DOCK4: variants seen among roughly 807,000 people sequenced by gnomAD.
The protein encoded by DOCK4 is dedicator of cytokinesis 4.
A neutral mutation model predicts 268.1 loss-of-function variants in DOCK4; 97 were observed. The ratio of observed to expected loss-of-function variants is 0.36; its 90% confidence interval spans 0.31 to 0.43. DOCK4 has a LOEUF of 0.43. DOCK4 is among the 20% of genes least tolerant of loss of function. DOCK4 has a pLI of 1.00. For missense variants in DOCK4, 2,145 were observed against 2,455.7 expected, an observed-to-expected ratio of 0.87 and a Z score of 2.67; for synonymous variants, 954 against 887.2, an observed-to-expected ratio of 1.08 and a Z score of -1.34.
At chr7:112,190,947 G>C (rs898547425) in intron 1 of DOCK4, among the ~76,000 whole-genome samples, 1 of 152,158 alleles carries the variant, frequency 6.6e-6, no homozygotes, top group African/African-American at 2.4e-5. Flanking sequence ...TCCCAGCAGA[G>C]CAAGGGCTTC....
chr7:112,172,358 T>C (rs74806061), intron 1 of DOCK4, among the ~76,000 whole-genome samples: 15,309 of 152,182 alleles, frequency 0.1, 950 homozygotes, highest in South Asian at 0.14. Flanking sequence ...CCAGCCTCTC[T>C]TTTAGGGTCC....
intron 21 of DOCK4, 25 bp downstream of exon 21, chr7:111,869,549 G>T: frequency 6.2e-7 from 1 of 1,608,718 alleles, no homozygotes. Flanking sequence ...GTTAGACTCT[G>T]CTGTTATCAA....
chr7:112,191,560 A>G (rs952972762), intron 1 of DOCK4, among the ~76,000 whole-genome samples: 2 of 152,182 alleles, frequency 1.3e-5, no homozygotes, highest in East Asian at 1.9e-4. Flanking sequence ...TATTAACACT[A>G]GTATCTTATT....
intron 22 of DOCK4, among the ~76,000 whole-genome samples, chr7:111,865,568 G>A (rs898423785): frequency 4.6e-5 from 7 of 152,208 alleles, no homozygotes; most frequent in African/African-American, 1.4e-4. Flanking sequence ...ACTCTAAGAC[G>A]ACTCCCATGA....
chr7:111,871,929 TCTG>T, intron 20 of DOCK4, 58 bp downstream of exon 20: 1 of 1,360,760 alleles, frequency 7.3e-7, no homozygotes, highest in Non-Finnish European at 1.0e-6. Flanking sequence ...TATCGCCTCT[TCTG>T]CTGAGAAAAG....
rs114094192 is a variant in DOCK4, at chr7:111,947,200, C to T, written c.702-1402G>A. ...GAAGCCTCTATGTTATCACCCGATC[C>T]TTGCCTTAAATAATGGTTCTGTCAT... On this transcript the variant is annotated intron_variant, in intron 8 of 52. Transcript: ENST00000428084. 6.8e-3 allele frequency among the ~76,000 whole-genome samples: 1,042 copies of T among 152,238 alleles called. 15 individuals are homozygous for T. Among genetic ancestry groups the T allele is most frequent in the African/African-American group, 0.024 (981 of 41,544 alleles).
intron 12 of DOCK4, among the ~76,000 whole-genome samples, chr7:111,924,976 G>C (rs1159168770): frequency 7.1e-6 from 1 of 139,962 alleles, no homozygotes; most frequent in Non-Finnish European, 1.6e-5. Flanking sequence ...TTCTAAACTT[G>C]TACTACAAAA....
At chr7:111,927,496 T>G (rs1793816529) in intron 12 of DOCK4, among the ~76,000 whole-genome samples, 1 of 151,982 alleles carries the variant, frequency 6.6e-6, no homozygotes, top group South Asian at 2.1e-4. Flanking sequence ...TTGGTAGGAG[T>G]GATGAGAGCA....
intron 1 of DOCK4, among the ~76,000 whole-genome samples, chr7:112,184,833 G>A (rs1429501424): frequency 6.6e-6 from 1 of 152,042 alleles, no homozygotes; most frequent in Non-Finnish European, 1.5e-5. Context: ...AAGAGATTAT[G>A]GATGGTATCA....
At chr7:112,162,078 T>C (rs994533097) in intron 1 of DOCK4, among the ~76,000 whole-genome samples, 1 of 152,200 alleles carries the variant, frequency 6.6e-6, no homozygotes, top group South Asian at 2.1e-4. Context: ...AAAATGATAA[T>C]GTAAATTTTT....
intron 1 of DOCK4, among the ~76,000 whole-genome samples, chr7:112,198,258 C>A (rs375039333): frequency 6.6e-6 from 1 of 151,962 alleles, no homozygotes; most frequent in Non-Finnish European, 1.5e-5. Context: ...CCCCTACCCA[C>A]GTGAAGATAC....
At position 111,876,860 on chromosome 7, in the gene DOCK4, C is replaced by T. The variant is rs79987542; in HGVS notation, c.1744+170G>A. On this transcript the variant is annotated intron_variant, in intron 17 of 52. Coordinates refer to ENST00000428084, the MANE Select transcript of DOCK4 (RefSeq NM_001363540.2). Reference sequence around the variant, plus strand: ...AAGTCCTTCTTAAATGACATGCATTCAACAGGTCACTGGGTCACATTTGCT... The same window carrying T: ...AAGTCCTTCTTAAATGACATGCATTTAACAGGTCACTGGGTCACATTTGCT... Among the ~76,000 whole-genome samples the T allele has an allele frequency of 8.2e-3, 1,214 of 148,846 alleles. 19 individuals are homozygous for T. The highest frequency in any genetic ancestry group is 0.029 in the African/African-American group (1,174 of 40,524).
intron 8 of DOCK4, among the ~76,000 whole-genome samples, chr7:111,975,012 T>C (rs1562952743): frequency 6.6e-6 from 1 of 152,088 alleles, no homozygotes; most frequent in Non-Finnish European, 1.5e-5. Context: ...ATGCCTATAA[T>C]CCCCAGCACT....
At chr7:111,955,224 G>A (rs2134921059) in intron 8 of DOCK4, among the ~76,000 whole-genome samples, 1 of 152,288 alleles carries the variant, frequency 6.6e-6, no homozygotes, top group East Asian at 1.9e-4. Context: ...GATTATTAAT[G>A]TGCTTTCTAA....
intron 1 of DOCK4, among the ~76,000 whole-genome samples, chr7:112,084,717 T>C (rs1029531443): frequency 3.9e-5 from 6 of 152,066 alleles, no homozygotes; most frequent in Non-Finnish European, 7.4e-5. Flanking sequence ...AAAATCTCCC[T>C]TCATGTTTGT....
chr7:112,206,348 A>C lies in DOCK4; in HGVS notation c.-210T>G. The C allele has an allele frequency of 1.7e-6, 1 of 598,316 alleles. No homozygotes were observed. Among genetic ancestry groups the C allele is most frequent in the Non-Finnish European group, 2.9e-6 (1 of 341,634 alleles). 37.1% of individuals were successfully genotyped at this position (598,316 alleles called of 1,614,324 possible). A position where few individuals can be genotyped will look rare whatever the true frequency, so the allele number is the denominator to read the frequency against. On this transcript the variant is annotated 5_prime_UTR_variant, in exon 1 of 53. Transcript: ENST00000428084. ...AGCTCTCCCGGCGGCGGCTGCTCAC[A>C]GTCCTCCGACGCGCTCCCGGGTACC...
At chr7:112,097,478 G>A (rs561177511) in intron 1 of DOCK4, among the ~76,000 whole-genome samples, 2 of 152,070 alleles carry the variant, frequency 1.3e-5, no homozygotes, top group Non-Finnish European at 2.9e-5. Flanking sequence ...AAGAGGCTGA[G>A]AGGCAGGAGG....
chr7:111,745,124 A>G (rs761632848), intron 44 of DOCK4, among the ~76,000 whole-genome samples: 1 of 152,228 alleles, frequency 6.6e-6, no homozygotes, highest in Non-Finnish European at 1.5e-5. Context: ...GGGACACAGT[A>G]GGCAACAGAT....
intron 1 of DOCK4, among the ~76,000 whole-genome samples, chr7:112,035,020 C>G (rs922563073): frequency 6.6e-6 from 1 of 152,176 alleles, no homozygotes; most frequent in African/African-American, 2.4e-5. Context: ...CATGCTTCAT[C>G]TAGGAAAGTC....
Sources: gnomAD v4.1 joint callset for allele counts (sites outside exome capture counted in the v4.1 genomes callset) on GRCh38, gnomAD v4.1.1 for gene constraint, MANE v1.5 for transcripts, NCBI Gene and HGNC (gene_info 2026-07-23, HGNC 2026-07-21) for gene names.